CNTFR: variants seen among roughly 807,000 people sequenced by gnomAD.
CNTFR encodes ciliary neurotrophic factor receptor, also known as ciliary neurotrophic factor receptor subunit alpha.
In CNTFR, 12 loss-of-function variants were observed where a neutral mutation model predicts 40.4. The observed-to-expected ratio is 0.30, with a 90% CI of 0.19 to 0.48. The LOEUF (loss-of-function observed/expected upper bound fraction) is 0.48. CNTFR is among the 20% of genes least tolerant of loss of function. The pLI is 0.99. For missense variants in CNTFR, 414 were observed against 506.8 expected, an observed-to-expected ratio of 0.82 and a Z score of 1.76; for synonymous variants, 202 against 209.6, an observed-to-expected ratio of 0.96 and a Z score of 0.31.
rs372553681 is a variant in CNTFR, at chr9:34,567,272, G to A, written c.85+1625C>T. 1.6e-4 allele frequency among the ~76,000 whole-genome samples: 25 copies of A among 152,238 alleles called. No homozygotes were observed. In the South Asian group the frequency reaches 4.6e-3, roughly 28 times the overall value. On this transcript the variant is annotated intron_variant, in intron 3 of 9. Transcript: ENST00000378980. Reference sequence around the variant, plus strand: ...AGAAGCCAGGATGAGAGACAGAGACGGGATGAGGTCATGGACATGGAGAAC... The same window carrying A: ...AGAAGCCAGGATGAGAGACAGAGACAGGATGAGGTCATGGACATGGAGAAC...
intron 2 of CNTFR, among the ~76,000 whole-genome samples, chr9:34,578,721 C>CAGG (rs1398599822): frequency 1.3e-5 from 2 of 152,232 alleles, no homozygotes; most frequent in Non-Finnish European, 2.9e-5. Context: ...GAGGATAAAG[C>CAGG]AGGAACTTCA....
chr9:34,566,775 G>A lies in CNTFR; in HGVS notation c.86-1943C>T, dbSNP rs114944734. ...GCCCTTAATCCTGGGGAGCAGGTAC[G>A]GCCACCACACGAGGACACAGCAACC... On this transcript the variant is annotated intron_variant, in intron 3 of 9. Transcript: ENST00000378980. 3.0e-3 allele frequency among the ~76,000 whole-genome samples: 460 copies of A among 152,204 alleles called. 4 individuals are homozygous for A. The highest frequency in any genetic ancestry group is 0.01 in the African/African-American group (422 of 41,526).
At chr9:34,555,012 T>C (rs1472639042) in intron 7 of CNTFR, among the ~76,000 whole-genome samples, 1 of 152,198 alleles carries the variant, frequency 6.6e-6, no homozygotes, top group African/African-American at 2.4e-5. Flanking sequence ...TGCACACACG[T>C]ATGGTGTACG....
At position 34,579,060 on chromosome 9, in the gene CNTFR, AGCACAC is replaced by A. The variant is rs968670004; in HGVS notation, c.-1+2029_-1+2034del. On this transcript the variant is annotated intron_variant, in intron 2 of 9. Coordinates refer to ENST00000378980, the MANE Select transcript of CNTFR (RefSeq NM_147164.3). Reference sequence around the variant, plus strand: ...GTGCACACCCGTACACATATACATGAGCACACGCACACGCACACGTGCAAATGCACA... The same window carrying A: ...GTGCACACCCGTACACATATACATGAGCACACGCACACGTGCAAATGCACA... Among the ~76,000 whole-genome samples the A allele has an allele frequency of 5.2e-4, 79 of 152,294 alleles. 1 individual carries two copies. Among genetic ancestry groups the A allele is most frequent in the Admixed American group, 9.8e-4 (15 of 15,304 alleles).
At chr9:34,571,444 G>C (rs1826633998) in intron 2 of CNTFR, 1 of 152,378 alleles carries the variant, frequency 6.6e-6, no homozygotes, top group African/African-American at 2.4e-5. Context: ...GAGTGGCTGA[G>C]GTTAGATCCA....
intron 4 of CNTFR, among the ~76,000 whole-genome samples, chr9:34,562,961 T>C (rs1826128521): frequency 6.6e-6 from 1 of 152,202 alleles, no homozygotes; most frequent in Admixed American, 6.5e-5. Flanking sequence ...CTTTAAATGC[T>C]GATGGTCTTT....
At chr9:34,559,804 C>G (rs1196482751) in intron 4 of CNTFR, among the ~76,000 whole-genome samples, 1 of 152,190 alleles carries the variant, frequency 6.6e-6, no homozygotes, top group East Asian at 1.9e-4. Context: ...CTCCCTGCTG[C>G]CCCGGACTCC....
chr9:34,564,840 G>A lies in CNTFR; in HGVS notation c.86-8C>T, dbSNP rs201249958. The A allele has an allele frequency of 6.2e-7, 1 of 1,611,884 alleles. No individual in the cohort carries two copies. Among genetic ancestry groups the A allele is most frequent in the East Asian group, 2.2e-5 (1 of 44,858 alleles). On this transcript the variant is annotated splice_polypyrimidine_tract_variant and splice_region_variant and intron_variant, in intron 3 of 9. Transcript: ENST00000378980. Reference sequence around the variant, plus strand: ...ACTGCACATGGGGTGCCTCTGTGGGGGGTGGGGGCACAGGGCAAAAGTCAC... The same window carrying A: ...ACTGCACATGGGGTGCCTCTGTGGGAGGTGGGGGCACAGGGCAAAAGTCAC...
At chr9:34,573,900 A>C (rs941430333) in intron 2 of CNTFR, among the ~76,000 whole-genome samples, 1 of 152,224 alleles carries the variant, frequency 6.6e-6, no homozygotes, top group Non-Finnish European at 1.5e-5. Context: ...TTGGAGATGG[A>C]GAAGGAAATG....
chr9:34,558,998 T>C (rs2132137020), intron 4 of CNTFR, among the ~76,000 whole-genome samples: 1 of 152,280 alleles, frequency 6.6e-6, no homozygotes. Flanking sequence ...GCGGCTCAGG[T>C]TCCTGGAAGG....
Position 34,552,248 on chromosome 9 carries a change from C to A in CNTFR, c.1031G>T (p.Gly344Val). Residue 344 changes from glycine to valine, a missense_variant, in exon 9 of 10, where the codon GGG becomes GTG. Transcript: ENST00000378980. The surrounding 1 kb of genome is among the most constrained non-coding windows in gnomAD (Gnocchi z 5.1). Reference protein sequence around the residue: ...ICDPGELGSGGGPSAPFLVSV... With the variant: ...ICDPGELGSGVGPSAPFLVSV... ...GACCAAGAAGGGTGCCGAGGGTCCCCCGCCGCTGCCCAGCTCCCCAGGGTC... is the reference window on the plus strand; with the variant it reads ...GACCAAGAAGGGTGCCGAGGGTCCCACGCCGCTGCCCAGCTCCCCAGGGTC... The A allele has an allele frequency of 6.4e-7, 1 of 1,555,144 alleles. No individual in the cohort carries two copies. The highest frequency in any genetic ancestry group is 2.4e-5 in the East Asian group (1 of 41,536).
chr9:34,561,206 C>T (rs1011432046), intron 4 of CNTFR, among the ~76,000 whole-genome samples: 2 of 152,192 alleles, frequency 1.3e-5, no homozygotes, highest in Non-Finnish European at 2.9e-5. Flanking sequence ...GATTTCTCCC[C>T]AGACGTCTTC....
rs768950184 is a variant in CNTFR, at chr9:34,557,727, C to T, written c.438-35G>A. The T allele has an allele frequency of 1.9e-6, 3 of 1,612,932 alleles. No individual in the cohort carries two copies. The East Asian group carries it at 6.7e-5, about 36-fold the overall frequency. On this transcript the variant is annotated intron_variant, in intron 5 of 9. Coordinates refer to ENST00000378980, the MANE Select transcript of CNTFR (RefSeq NM_147164.3). The surrounding 1 kb of genome is among the most constrained non-coding windows in gnomAD (Gnocchi z 4.2). Reference sequence around the variant, plus strand: ...GGTGAGACCCAGGCACTGTTACGAACATCAAGGGTCAGGTGGGGCAGAGGT... The same window carrying T: ...GGTGAGACCCAGGCACTGTTACGAATATCAAGGGTCAGGTGGGGCAGAGGT...
chr9:34,568,863 G>A (rs982886702), intron 3 of CNTFR, 34 bp downstream of exon 3: 25 of 1,542,920 alleles, frequency 1.6e-5, no homozygotes, highest in Non-Finnish European at 2.2e-5. Context: ...AGCTCTGAGA[G>A]GGGGGTCAGC....
intron 4 of CNTFR, among the ~76,000 whole-genome samples, chr9:34,563,120 A>G (rs986133954): frequency 6.6e-6 from 1 of 152,014 alleles, no homozygotes; most frequent in Non-Finnish European, 1.5e-5. Context: ...GCTCAGACCC[A>G]CTGGTTACCA....
At chr9:34,576,201 C>T (rs1412437005) in intron 2 of CNTFR, among the ~76,000 whole-genome samples, 6 of 152,238 alleles carry the variant, frequency 3.9e-5, no homozygotes, top group East Asian at 1.9e-4. Context: ...AGCCTACCAT[C>T]GTGGCCACAC....
intron 3 of CNTFR, among the ~76,000 whole-genome samples, chr9:34,566,230 T>C (rs1203442584): frequency 6.6e-6 from 1 of 152,232 alleles, no homozygotes; most frequent in East Asian, 1.9e-4. Context: ...TCTGTCGTCC[T>C]CGCTGTGCCA....
At chr9:34,555,270 G>T (rs751320892) in intron 7 of CNTFR, among the ~76,000 whole-genome samples, 1 of 152,170 alleles carries the variant, frequency 6.6e-6, no homozygotes. Context: ...CTTTGTGGGG[G>T]ACAGGCACCC....
At chr9:34,566,618 G>A (rs1826307630) in intron 3 of CNTFR, among the ~76,000 whole-genome samples, 1 of 152,170 alleles carries the variant, frequency 6.6e-6, no homozygotes, top group Admixed American at 6.5e-5. Flanking sequence ...CCCCCTAGCA[G>A]AGACTTTGCA....
Sources: gnomAD v4.1 joint callset for allele counts (sites outside exome capture counted in the v4.1 genomes callset) on GRCh38, gnomAD v4.1.1 for gene constraint, Gnocchi (gnomAD v3.1) non-coding constraint, MANE v1.5 for transcripts, NCBI Gene and HGNC (gene_info 2026-07-23, HGNC 2026-07-21) for gene names.